CRIM1: variants seen among roughly 807,000 people sequenced by gnomAD.
The protein encoded by CRIM1 is cysteine-rich motor neuron 1 protein.
Under a neutral mutation model 116.4 loss-of-function variants are expected in CRIM1, and 32 were observed. The ratio of observed to expected loss-of-function variants is 0.27; its 90% CI spans 0.21 to 0.37. The LOEUF is 0.37. CRIM1 is among the 10% of genes least tolerant of loss of function. The pLI is 1.00. For synonymous variants in CRIM1, 590 were observed against 509.2 expected (o/e 1.16, Z -2.13); for missense variants, 1,331 against 1,354.8 (o/e 0.98, Z 0.28).
chr2:36,493,493 C>T (rs1381862137), intron 7 of CRIM1, among the ~76,000 whole-genome samples: 1 of 152,162 alleles, frequency 6.6e-6, no homozygotes, highest in African/African-American at 2.4e-5. Context: ...TAATTACCCT[C>T]CTGACAAGAC....
chr2:36,394,473 T>C (rs1026446618), intron 1 of CRIM1, among the ~76,000 whole-genome samples: 7 of 152,160 alleles, frequency 4.6e-5, no homozygotes, highest in African/African-American at 1.7e-4. Context: ...TTGAATTTTT[T>C]CAATATGGTG....
intron 7 of CRIM1, among the ~76,000 whole-genome samples, chr2:36,483,224 A>G (rs1679554349): frequency 6.6e-6 from 1 of 152,136 alleles, no homozygotes; most frequent in South Asian, 2.1e-4. Context: ...TAGGGTGGAA[A>G]CGTGTGGAAT....
intron 4 of CRIM1, 47 bp downstream of exon 4, chr2:36,442,782 T>C (rs996249070): frequency 1.2e-6 from 2 of 1,609,778 alleles, no homozygotes; most frequent in Non-Finnish European, 1.7e-6. Flanking sequence ...TTTGTTAGCA[T>C]CATCTAAGGT....
chr2:36,490,894 A>T (rs1337184450), intron 7 of CRIM1, among the ~76,000 whole-genome samples: 1 of 152,152 alleles, frequency 6.6e-6, no homozygotes, highest in Non-Finnish European at 1.5e-5. Flanking sequence ...TCAGTCTGCC[A>T]GGCACCAGGA....
At chr2:36,364,313 A>G (rs1442626057) in intron 1 of CRIM1, among the ~76,000 whole-genome samples, 1 of 152,236 alleles carries the variant, frequency 6.6e-6, no homozygotes, top group African/African-American at 2.4e-5. Flanking sequence ...GAGTATGCAT[A>G]TTAAAAGACC....
At chr2:36,491,452 A>C (rs1680219191) in intron 7 of CRIM1, among the ~76,000 whole-genome samples, 1 of 152,228 alleles carries the variant, frequency 6.6e-6, no homozygotes, top group African/African-American at 2.4e-5. Flanking sequence ...AGACTGCCAC[A>C]GTGGTGTGGA....
chr2:36,520,072 G>C (rs570942858), intron 12 of CRIM1, among the ~76,000 whole-genome samples: 1 of 152,330 alleles, frequency 6.6e-6, no homozygotes, highest in South Asian at 2.1e-4. Context: ...CTGTGGGTAA[G>C]ATTCCAAATG....
intron 13 of CRIM1, among the ~76,000 whole-genome samples, chr2:36,523,394 A>T (rs1197718858): frequency 6.6e-6 from 1 of 152,132 alleles, no homozygotes; most frequent in African/African-American, 2.4e-5. Context: ...CGTGGTGGTG[A>T]TGCATCTTTG....
intron 5 of CRIM1, among the ~76,000 whole-genome samples, chr2:36,473,250 A>G (rs1396650904): frequency 6.6e-6 from 1 of 152,218 alleles, no homozygotes; most frequent in Non-Finnish European, 1.5e-5. Flanking sequence ...GGGGATGGAC[A>G]GAAGAGCCCT....
In CRIM1 at chr2:36,356,605, G is replaced by A; in HGVS notation, c.313G>A (p.Glu105Lys). The change falls in exon 1 of 17, where the codon GAA (glutamate) becomes AAA (lysine). Residue 105 changes from glutamate (E) to lysine (K), a missense_variant. Physicochemically the swap from Glu to Lys is moderately conservative, Grantham distance 56. Around this residue, in one of 3 missense-constraint regions of CRIM1, gnomAD observed 690 missense variants for 676.0 expected, o/e 1.02. Coordinates refer to ENST00000280527, the MANE Select transcript of CRIM1 (RefSeq NM_016441.3). The surrounding 1 kb of genome is among the most constrained non-coding windows in gnomAD (Gnocchi z 4.3). ...PLNGDSLTEY[E>K]AGVCEDENWT... ...CAATGGCGACTCCCTCACCGAGTAC[G>A]AAGCGGGCGTTTGCGAAGGTACGGC... The A allele has an allele frequency of 6.2e-7, 1 of 1,608,874 alleles. No individual in the cohort carries two copies. Among genetic ancestry groups the A allele is most frequent in the Non-Finnish European group, 8.5e-7 (1 of 1,178,376 alleles).
chr2:36,436,344 G>A (rs554535325), intron 2 of CRIM1, among the ~76,000 whole-genome samples: 8 of 152,198 alleles, frequency 5.3e-5, no homozygotes, highest in African/African-American at 1.9e-4. Flanking sequence ...ATAGAGGGTT[G>A]AAAGAAGAGA....
At chr2:36,542,430 G>C (rs1667011123) in intron 14 of CRIM1, among the ~76,000 whole-genome samples, 1 of 152,170 alleles carries the variant, frequency 6.6e-6, no homozygotes, top group South Asian at 2.1e-4. Flanking sequence ...CAGCTTGGTG[G>C]AGTTTCACCG....
At chr2:36,357,064 C>T (rs1206307091) in intron 1 of CRIM1, among the ~76,000 whole-genome samples, 1 of 152,182 alleles carries the variant, frequency 6.6e-6, no homozygotes, top group Non-Finnish European at 1.5e-5. Flanking sequence ...ACGCCGGCCG[C>T]GAAAGTCCTT....
chr2:36,456,660 T>C (rs1270347586), intron 4 of CRIM1, among the ~76,000 whole-genome samples: 2 of 152,156 alleles, frequency 1.3e-5, no homozygotes, highest in South Asian at 2.1e-4. Flanking sequence ...ATGTGTGATA[T>C]CGGATTGTTG....
chr2:36,542,875 C>T (rs1572969597), intron 14 of CRIM1, among the ~76,000 whole-genome samples: 1 of 152,118 alleles, frequency 6.6e-6, no homozygotes, highest in Admixed American at 6.5e-5. Context: ...CCAGACCTAC[C>T]GAATCAGGAC....
At chr2:36,520,217 T>C (rs940138276) in intron 12 of CRIM1, among the ~76,000 whole-genome samples, 3 of 152,226 alleles carry the variant, frequency 2.0e-5, no homozygotes, top group African/African-American at 7.2e-5. Flanking sequence ...CAGGCCTCAG[T>C]GAGAGCCCTG....
Position 36,537,472 on chromosome 2 carries a change from C to G in CRIM1, c.2549C>G (p.Ser850Trp), listed in dbSNP as rs1273757527. 6.2e-7 allele frequency: 1 copy of G among 1,614,212 alleles called. No individual in the cohort carries two copies. The highest frequency in any genetic ancestry group is 8.5e-7 in the Non-Finnish European group (1 of 1,180,036). ...CYCLQGQTLC[S>W]TVSCPPLPCV... ...TGCCTGCAGGGCCAGACCCTCTGCT[C>G]GACCGTCAGCTGCCCCCCTCTGCCC... is the stretch of plus-strand genomic sequence containing the variant. Residue 850 changes from serine (S) to tryptophan (W), a missense_variant, in exon 14 of 17, where the codon TCG (serine) becomes TGG (tryptophan). By Grantham distance (177) the Ser-to-Trp change is radical (BLOSUM62 -3). Transcript: ENST00000280527.
At chr2:36,399,418 C>T (rs553123419) in intron 2 of CRIM1, among the ~76,000 whole-genome samples, 24 of 152,138 alleles carry the variant, frequency 1.6e-4, no homozygotes, top group Non-Finnish European at 2.9e-4. Context: ...AGCAGGAAAA[C>T]AGCAAAGAAG....
At chr2:36,392,857 A>C (rs773676546) in intron 1 of CRIM1, among the ~76,000 whole-genome samples, 1 of 152,204 alleles carries the variant, frequency 6.6e-6, no homozygotes, top group Non-Finnish European at 1.5e-5. Flanking sequence ...AAAAGTGTCT[A>C]CGATGTTGTT....
Sources: gnomAD v4.1 joint callset for allele counts (sites outside exome capture counted in the v4.1 genomes callset) on GRCh38, gnomAD v4.1.1 for gene constraint, gnomAD v4.1.1 regional missense constraint, Gnocchi (gnomAD v3.1) non-coding constraint, MANE v1.5 for transcripts, NCBI Gene and HGNC (gene_info 2026-07-23, HGNC 2026-07-21) for gene names.